The following ZNF664 variants were observed in gnomAD, a reference collection of about 807,000 sequenced individuals.
ZNF664 encodes the protein zinc finger Organ of Corti 1.
Under a neutral mutation model 18.2 loss-of-function variants are expected in ZNF664, and 10 were observed. That is an observed-to-expected ratio of 0.55 (90% CI 0.34 to 0.93). The LOEUF is 0.93. Among genes scored for constraint, ZNF664 ranks in the 40% least tolerant of loss-of-function variants. The pLI, the probability that ZNF664 is intolerant of heterozygous loss-of-function variation, is 0.02. For synonymous variants in ZNF664, 119 were observed against 104.2 expected (o/e 1.14, Z -0.86); for missense variants, 193 against 319.0 (o/e 0.61, Z 3.01).
chr12:123,990,026 C>T (rs537132916), intron 3 of ZNF664, among the ~76,000 whole-genome samples: 16 of 152,138 alleles, frequency 1.1e-4, no homozygotes, highest in Non-Finnish European at 2.1e-4. Context: ...ATACATGTTA[C>T]GAATTGTGAC....
chr12:123,977,638 G>T (rs902921259), intron 2 of ZNF664, among the ~76,000 whole-genome samples: 1 of 152,078 alleles, frequency 6.6e-6, no homozygotes. Context: ...GCCATCTTCC[G>T]GGCTGTGATG....
intron 3 of ZNF664, among the ~76,000 whole-genome samples, chr12:123,999,721 AAGG>A (rs1225319365): frequency 6.6e-6 from 1 of 152,192 alleles, no homozygotes; most frequent in African/African-American, 2.4e-5. Flanking sequence ...CCATTTATAA[AAGG>A]AAGAAAGGGC....
intron 3 of ZNF664, among the ~76,000 whole-genome samples, chr12:123,990,624 G>C (rs1956877995): frequency 6.6e-6 from 1 of 152,146 alleles, no homozygotes; most frequent in African/African-American, 2.4e-5. Flanking sequence ...TTTAGTAAAT[G>C]AGCACTAGAG....
At chr12:123,999,720 A>G (rs1956989933) in intron 3 of ZNF664, among the ~76,000 whole-genome samples, 1 of 152,228 alleles carries the variant, frequency 6.6e-6, no homozygotes, top group South Asian at 2.1e-4. Context: ...TCCATTTATA[A>G]AAGGAAGAAA....
intron 3 of ZNF664, among the ~76,000 whole-genome samples, chr12:123,997,193 G>C (rs1159628947): frequency 6.6e-6 from 1 of 152,188 alleles, no homozygotes; most frequent in Admixed American, 6.5e-5. Context: ...TGGGTGAAGT[G>C]TGAAATAAGC....
chr12:123,982,664 A>G (rs1013239060), intron 2 of ZNF664, among the ~76,000 whole-genome samples: 1 of 152,244 alleles, frequency 6.6e-6, no homozygotes, highest in Admixed American at 6.5e-5. Context: ...CAGCGCTTAC[A>G]GGAGCAGATT....
At chr12:123,999,430 T>G (rs1040897957) in intron 3 of ZNF664, among the ~76,000 whole-genome samples, 2 of 152,198 alleles carry the variant, frequency 1.3e-5, no homozygotes, top group Admixed American at 1.3e-4. Context: ...AGTTAGTGCT[T>G]CATAGGAAGA....
intron 2 of ZNF664, among the ~76,000 whole-genome samples, chr12:123,986,578 A>G (rs1956828300): frequency 6.6e-6 from 1 of 152,196 alleles, no homozygotes; most frequent in Non-Finnish European, 1.5e-5. Flanking sequence ...TGATAACCTC[A>G]TTCTCTCAGT....
intron 2 of ZNF664, among the ~76,000 whole-genome samples, chr12:123,977,298 T>G (rs1008562814): frequency 1.3e-5 from 2 of 152,008 alleles, no homozygotes; most frequent in Non-Finnish European, 2.9e-5. Context: ...AGGAGTGAAG[T>G]GAGGCTCTAA....
chr12:123,995,610 G>A (rs1443243833), intron 3 of ZNF664, among the ~76,000 whole-genome samples: 1 of 152,230 alleles, frequency 6.6e-6, no homozygotes, highest in Non-Finnish European at 1.5e-5. Flanking sequence ...TTCTTTGTCA[G>A]TTAGGGCTGC....
At chr12:123,980,206 A>G (rs1956747518) in intron 2 of ZNF664, among the ~76,000 whole-genome samples, 1 of 152,338 alleles carries the variant, frequency 6.6e-6, no homozygotes, top group South Asian at 2.1e-4. Context: ...CTTCATGGGA[A>G]AAGCCTAGGG....
Position 124,013,007 on chromosome 12 carries a change from A to G in ZNF664, c.*77A>G, listed in dbSNP as rs1167293836. 6.7e-7 allele frequency: 1 copy of G among 1,491,052 alleles called. No individual in the cohort carries two copies. The highest frequency in any genetic ancestry group is 9.0e-7 in the Non-Finnish European group (1 of 1,113,858). 92.4% of individuals were successfully genotyped at this position (1,491,052 alleles called of 1,614,324 possible). A position where few individuals can be genotyped will look rare whatever the true frequency, so the allele number is the denominator to read the frequency against. ...GGAAACCCTGTATATACCTACATTG[A>G]CCCAAGAAATATTTACGCAATCCCT... On this transcript the variant is annotated 3_prime_UTR_variant, in exon 5 of 5. Coordinates refer to ENST00000337815, the MANE Select transcript of ZNF664 (RefSeq NM_152437.3).
intron 3 of ZNF664, among the ~76,000 whole-genome samples, chr12:123,988,456 T>A (rs555720324): frequency 6.6e-6 from 1 of 152,362 alleles, no homozygotes; most frequent in Middle Eastern, 3.4e-3. Context: ...CATTTTCTTC[T>A]GCCATCTTGG....
rs915955075 is a variant in ZNF664, at chr12:123,997,975, A to C, written c.-661+9837A>C. On this transcript the variant is annotated intron_variant, in intron 3 of 4. Coordinates refer to ENST00000337815, the MANE Select transcript of ZNF664 (RefSeq NM_152437.3). ...TTAAGTGAAGTGAGGACTTCAAACG[A>C]AATCATACAGTTTTGGGAAACTGCA... 3 of 152,306 alleles carry C rather than the reference A, an allele frequency of 2.0e-5. No individual in the cohort carries two copies. In the East Asian group the frequency reaches 5.8e-4, roughly 29 times the overall value. 9.4% of individuals were successfully genotyped at this position (152,306 alleles called of 1,614,324 possible).
At chr12:124,001,638 C>T (rs1343071277) in intron 3 of ZNF664, among the ~76,000 whole-genome samples, 2 of 152,234 alleles carry the variant, frequency 1.3e-5, no homozygotes, top group Non-Finnish European at 2.9e-5. Context: ...ACCAGGTCAG[C>T]CTCACTTCCA....
At chr12:124,002,800 A>G (rs1008087047) in intron 3 of ZNF664, among the ~76,000 whole-genome samples, 1 of 152,158 alleles carries the variant, frequency 6.6e-6, no homozygotes, top group Non-Finnish European at 1.5e-5. Context: ...GGAGCAGTCC[A>G]GGGCTAGAGA....
Position 124,005,483 on chromosome 12 carries a change from A to ATGTGTGTGTGTG in ZNF664, c.-660-5867_-660-5856dup, listed in dbSNP as rs202223166. Among the ~76,000 whole-genome samples the ATGTGTGTGTGTG allele has an allele frequency of 3.0e-3, 430 of 142,908 alleles. 2 individuals are homozygous for ATGTGTGTGTGTG. Among genetic ancestry groups the ATGTGTGTGTGTG allele is most frequent in the African/African-American group, 0.01 (383 of 37,896 alleles). 93.8% of individuals were successfully genotyped at this position (142,908 alleles called of 152,430 possible). A position where few individuals can be genotyped will look rare whatever the true frequency, so the allele number is the denominator to read the frequency against. ...TTTTGACTGGATGATAATTTATAGA[A>ATGTGTGTGTGTG]TGTGTGTGTGTGTGTGTGTGTGTGT... On this transcript the variant is annotated intron_variant, in intron 3 of 4. Transcript: ENST00000337815.
rs936196705 is a variant in ZNF664, at chr12:124,014,382, C to G, written c.*1452C>G. 1.2e-5 allele frequency: 2 copies of G among 167,032 alleles called. No homozygotes were observed. Among genetic ancestry groups the G allele is most frequent in the African/African-American group, 4.8e-5 (2 of 41,428 alleles). 10.3% of individuals were successfully genotyped at this position (167,032 alleles called of 1,614,324 possible). A position where few individuals can be genotyped will look rare whatever the true frequency, so the allele number is the denominator to read the frequency against. ...GGAGAGATGCCGAGGTGGTCAGTATCCTGACTTTCAGAGGCCTTTTTTTGT... is the reference window on the plus strand; with the variant it reads ...GGAGAGATGCCGAGGTGGTCAGTATGCTGACTTTCAGAGGCCTTTTTTTGT... On this transcript the variant is annotated 3_prime_UTR_variant, in exon 5 of 5. Coordinates refer to ENST00000337815, the MANE Select transcript of ZNF664 (RefSeq NM_152437.3).
chr12:123,973,925 AGGT>A lies in ZNF664; in HGVS notation c.-850_-848del. The stretch of plus-strand genomic sequence containing the variant: ...GGCAGAGGAGGCGAGCATCCCGCTC[AGGT>A]GATGAGGAACCCCTCGCGCACCCAG... On this transcript the variant is annotated 5_prime_UTR_variant, in exon 2 of 5. Coordinates refer to ENST00000337815, the MANE Select transcript of ZNF664 (RefSeq NM_152437.3). 8.1e-7 allele frequency: 1 copy of A among 1,231,886 alleles called. No individual in the cohort carries two copies. The highest frequency in any genetic ancestry group is 1.0e-6 in the Non-Finnish European group (1 of 988,056). The allele number at this position is 1,231,886 out of a possible 1,614,324, so 76.3% of individuals were successfully genotyped here.
Sources: gnomAD v4.1 joint callset for allele counts (sites outside exome capture counted in the v4.1 genomes callset) on GRCh38, gnomAD v4.1.1 for gene constraint, MANE v1.5 for transcripts, NCBI Gene and HGNC (gene_info 2026-07-23, HGNC 2026-07-21) for gene names.